ZNF48: variants seen among roughly 807,000 people sequenced by gnomAD.
ZNF48 encodes the protein zinc finger protein 48, also known as zinc finger protein 553.
A neutral mutation model predicts 40.0 loss-of-function variants in ZNF48; 20 were observed. The observed-to-expected ratio is 0.50, with a 90% CI of 0.35 to 0.73. The LOEUF (loss-of-function observed/expected upper bound fraction) is 0.73. Ranked by LOEUF, ZNF48 falls within the 30% of genes least tolerant of loss-of-function variation. The pLI is 0.01. For missense variants in ZNF48, 726 were observed against 851.9 expected, an observed-to-expected ratio of 0.85 and a Z score of 1.84; for synonymous variants, 298 against 329.7, an observed-to-expected ratio of 0.90 and a Z score of 1.04.
upstream of ZNF48, among the ~76,000 whole-genome samples, chr16:30,392,667 G>A (rs2049952069): frequency 6.6e-6 from 1 of 152,198 alleles, no homozygotes; most frequent in Non-Finnish European, 1.5e-5. Flanking sequence ...TTGGGAAACA[G>A]AAGCTTAAGT....
rs1367818777 is a variant in ZNF48 at position 30,382,813 on chromosome 16, T to G, written c.-16+4403T>G. ...TCATCGTGGTGAGACATGGGGTATG[T>G]GCAGAGAGGAAGGAAGTGGCTCCCT... is the stretch of plus-strand genomic sequence containing the variant. On this transcript the variant is annotated intron_variant, in intron 1 of 2. Transcript: ENST00000528032. This position sits in a 1 kb window ranked among gnomAD's most constrained non-coding sequence, Gnocchi z 4.8. 15 of 1,534,034 alleles carry G rather than the reference T, an allele frequency of 9.8e-6. No homozygotes were observed. The highest frequency in any genetic ancestry group is 1.4e-5 in the African/African-American group (1 of 73,114).
At chr16:30,393,932 G>T (rs2049960162), upstream of ZNF48, among the ~76,000 whole-genome samples, 8 of 151,490 alleles carry the variant, frequency 5.3e-5, no homozygotes, top group Admixed American at 5.3e-4. Flanking sequence ...TGCCTAGGCT[G>T]GTTTCGAACT....
chr16:30,381,896 GGA>G lies in ZNF48; in HGVS notation c.-16+3490_-16+3491del, dbSNP rs750865599. ...TGTGTCAAGCGAGCTGTGGGATGGG[GGA>G]GAGGTCAGGGATCCGGGGAGGCTCT... is the stretch of plus-strand genomic sequence containing the variant. On this transcript the variant is annotated intron_variant, in intron 1 of 2. Transcript: ENST00000528032. This position sits in a 1 kb window ranked among gnomAD's most constrained non-coding sequence, Gnocchi z 4.3. The G allele has an allele frequency of 1.2e-6, 2 of 1,613,888 alleles. No individual in the cohort carries two copies. The highest frequency in any genetic ancestry group is 2.7e-5 in the African/African-American group (2 of 74,906).
chr16:30,395,761 T>C lies in ZNF48; in HGVS notation c.-15-19T>C, dbSNP rs1385599734. On this transcript the variant is annotated intron_variant, in intron 1 of 2. Transcript: ENST00000613509. This position sits in a 1 kb window ranked among gnomAD's most constrained non-coding sequence, Gnocchi z 5.9. ...ACATGGCTGCGTGACCGCGGGATGCTGTCTGTCCCCTTGCTCAGGGCGGCG... is the reference window on the plus strand; with the variant it reads ...ACATGGCTGCGTGACCGCGGGATGCCGTCTGTCCCCTTGCTCAGGGCGGCG... The C allele has an allele frequency of 4.0e-6, 6 of 1,494,664 alleles. No homozygotes were observed. The highest frequency in any genetic ancestry group is 5.4e-6 in the Non-Finnish European group (6 of 1,119,940). The allele number at this position is 1,494,664 out of a possible 1,614,324, so 92.6% of individuals were successfully genotyped here. A position where few individuals can be genotyped will look rare whatever the true frequency, so the allele number is the denominator to read the frequency against.
rs2049974483 is a variant in ZNF48, at chr16:30,395,535, C to G, written c.-59C>G. 4.1e-6 allele frequency: 1 copy of G among 241,410 alleles called. No individual in the cohort carries two copies. Among genetic ancestry groups the G allele is most frequent in the Admixed American group, 5.9e-5 (1 of 17,008 alleles). The allele number at this position is 241,410 out of a possible 1,614,324, so 15.0% of individuals were successfully genotyped here. A position where few individuals can be genotyped will look rare whatever the true frequency, so the allele number is the denominator to read the frequency against. Reference sequence around the variant, plus strand: ...CGGGCGCCTGCACCCCGCTGAGGAGCTCCGGAGGGCGCCGGGGTGGCGGAG... The same window carrying G: ...CGGGCGCCTGCACCCCGCTGAGGAGGTCCGGAGGGCGCCGGGGTGGCGGAG... On this transcript the variant is annotated 5_prime_UTR_variant, in exon 1 of 3. Transcript: ENST00000613509. The surrounding 1 kb of genome is among the most constrained non-coding windows in gnomAD (Gnocchi z 5.9).
rs114595573 is a variant in ZNF48, at chr16:30,381,667, T to A, written c.-16+3257T>A. ...GCCCTCTGAAACAGACACCACCTTT[T>A]GAGATAGGGAGCCAGCACAAACCAG... On this transcript the variant is annotated intron_variant, in intron 1 of 2. Coordinates refer to the ZNF48 transcript ENST00000528032. This position sits in a 1 kb window ranked among gnomAD's most constrained non-coding sequence, Gnocchi z 4.3. 2 of 1,548,258 alleles carry A rather than the reference T, an allele frequency of 1.3e-6. No homozygotes were observed. Among genetic ancestry groups the A allele is most frequent in the East Asian group, 4.5e-5 (2 of 44,426 alleles).
chr16:30,378,386 G>T, exon 1 of ZNF48: 1 of 1,498,264 alleles, frequency 6.7e-7, no homozygotes, highest in East Asian at 2.4e-5. Flanking sequence ...GATTGGACAA[G>T]AGGCCGACTG....
rs1287886870 is a variant in ZNF48, at chr16:30,383,314, G to A, written c.-16+4904G>A. Among the ~76,000 whole-genome samples the A allele has an allele frequency of 3.9e-5, 6 of 151,924 alleles. No individual in the cohort carries two copies. The South Asian group carries it at 6.2e-4, about 16-fold the overall frequency. On this transcript the variant is annotated intron_variant, in intron 1 of 2. Coordinates refer to the ZNF48 transcript ENST00000528032. Reference sequence around the variant, plus strand: ...CGCCATTCTCCTGCCTCAGCCTCCCGAGTAGCTGGGACTACAGGCACCTGC... The same window carrying A: ...CGCCATTCTCCTGCCTCAGCCTCCCAAGTAGCTGGGACTACAGGCACCTGC...
At chr16:30,391,140 G>C (rs2049939676), upstream of ZNF48, among the ~76,000 whole-genome samples, 2 of 152,200 alleles carry the variant, frequency 1.3e-5, no homozygotes, top group Non-Finnish European at 2.9e-5. Context: ...TCTGAAGATA[G>C]GTCGTAATCC....
rs2151112151 is a variant in ZNF48, at chr16:30,382,458, G to A, written c.-16+4048G>A. On this transcript the variant is annotated intron_variant, in intron 1 of 2. Transcript: ENST00000528032. The surrounding 1 kb of genome is among the most constrained non-coding windows in gnomAD (Gnocchi z 4.8). ...TTCCTGGGCTAGGAAGAGTCAGTGG[G>A]GTCTGGGGACCCCAGGCATGGGGGC... The A allele has an allele frequency of 6.3e-7, 1 of 1,577,250 alleles. No individual in the cohort carries two copies.
chr16:30,381,564 T>C lies in ZNF48; in HGVS notation c.-16+3154T>C. 6.5e-7 allele frequency: 1 copy of C among 1,541,484 alleles called. No individual in the cohort carries two copies. The highest frequency in any genetic ancestry group is 8.9e-7 in the Non-Finnish European group (1 of 1,123,956). On this transcript the variant is annotated intron_variant, in intron 1 of 2. Transcript: ENST00000528032. The surrounding 1 kb of genome is among the most constrained non-coding windows in gnomAD (Gnocchi z 4.3). The stretch of plus-strand genomic sequence containing the variant: ...AGGACTGTGGGAGTAGAATGTCATT[T>C]CTTTGGCTCCCTCCAAAGACATTAA...
At chr16:30,378,502 T>C (rs2049783763) in intron 1 of ZNF48, 1 of 1,580,114 alleles carries the variant, frequency 6.3e-7, no homozygotes, top group Non-Finnish European at 8.6e-7. Context: ...TTCTCCAGCA[T>C]CTCTTGCATG....
intron 1 of ZNF48, among the ~76,000 whole-genome samples, chr16:30,388,378 C>T (rs1049624576): frequency 6.6e-6 from 1 of 152,128 alleles, no homozygotes; most frequent in African/African-American, 2.4e-5. Flanking sequence ...CCACCATACC[C>T]AGTTAAGCTT....
chr16:30,399,191 T>G lies in ZNF48; in HGVS notation c.*84T>G. 2 of 1,319,068 alleles carry G rather than the reference T, an allele frequency of 1.5e-6. No individual in the cohort carries two copies. Among genetic ancestry groups the G allele is most frequent in the South Asian group, 1.5e-5 (1 of 67,372 alleles). 81.7% of individuals were successfully genotyped at this position (1,319,068 alleles called of 1,614,324 possible). On this transcript the variant is annotated 3_prime_UTR_variant, in exon 3 of 3. Coordinates refer to ENST00000613509, the MANE Select transcript of ZNF48 (RefSeq NM_001214909.2). ...AGAGAAGAAAGGGCCTGGGAGGTGG[T>G]GGGAGGGAGAAGGAAGGGAAGAAAG...
upstream of ZNF48, among the ~76,000 whole-genome samples, chr16:30,391,514 T>A (rs1231489055): frequency 6.6e-6 from 1 of 151,128 alleles, no homozygotes; most frequent in Non-Finnish European, 1.5e-5. Context: ...TTTTTTTTTT[T>A]AAACAGAGTT....
chr16:30,398,548 C>G lies in ZNF48; in HGVS notation c.1298C>G (p.Pro433Arg). 2 of 1,609,564 alleles carry G rather than the reference C, an allele frequency of 1.2e-6. No homozygotes were observed. The highest frequency in any genetic ancestry group is 1.7e-6 in the Non-Finnish European group (2 of 1,178,284). Residue 433 changes from proline to arginine, a missense_variant, in exon 3 of 3, where the codon CCT becomes CGT. Around this residue, in one of 5 missense-constraint regions of ZNF48, gnomAD observed 378 missense variants for 449.1 expected, o/e 0.84. Coordinates refer to ENST00000613509, the MANE Select transcript of ZNF48 (RefSeq NM_001214909.2). The surrounding 1 kb of genome is among the most constrained non-coding windows in gnomAD (Gnocchi z 6.6). ...GGCCTGCCTGGCTTGGAGCCAGAGC[C>G]TGGGGGCCCACAGGCTGGGGAGCCA... ...PFGLPGLEPEPGGPQAGEPPP... is the reference protein window; with the variant it reads ...PFGLPGLEPERGGPQAGEPPP...
rs1413532429 is a variant in ZNF48, at chr16:30,399,214, A to C, written c.*107A>C. 2 of 1,060,976 alleles carry C rather than the reference A, an allele frequency of 1.9e-6. No homozygotes were observed. Among genetic ancestry groups the C allele is most frequent in the African/African-American group, 3.2e-5 (2 of 62,652 alleles). The allele number at this position is 1,060,976 out of a possible 1,614,324, so 65.7% of individuals were successfully genotyped here. ...GGTGGGAGGGAGAAGGAAGGGAAGA[A>C]AGGGGAGGAAGAATAGATAGAAATA... On this transcript the variant is annotated 3_prime_UTR_variant, in exon 3 of 3. Transcript: ENST00000613509.
At position 30,381,006 on chromosome 16, in the gene ZNF48, TCTC is replaced by T. The variant is rs1288920489; in HGVS notation, c.-16+2599_-16+2601del. ...TTACCACCCGCCTTCCTCAGAAGCT[TCTC>T]CTACAATCTAGCCTGATGCACCATG... On this transcript the variant is annotated intron_variant, in intron 1 of 2. Transcript: ENST00000528032. The surrounding 1 kb of genome is among the most constrained non-coding windows in gnomAD (Gnocchi z 4.3). 15 of 834,358 alleles carry T rather than the reference TCTC, an allele frequency of 1.8e-5. No individual in the cohort carries two copies. Among genetic ancestry groups the T allele is most frequent in the African/African-American group, 3.4e-5 (2 of 59,380 alleles). 51.7% of individuals were successfully genotyped at this position (834,358 alleles called of 1,614,324 possible).
intron 1 of ZNF48, among the ~76,000 whole-genome samples, chr16:30,387,615 A>G (rs1475701657): frequency 1.4e-5 from 2 of 146,702 alleles, no homozygotes; most frequent in African/African-American, 5.0e-5. Context: ...CTGGAGTACA[A>G]TGGCGCGATC....
Sources: allele counts gnomAD v4.1 joint callset (sites outside exome capture counted in the v4.1 genomes callset), GRCh38; gene constraint gnomAD v4.1.1; regional missense constraint gnomAD v4.1.1; non-coding constraint Gnocchi (gnomAD v3.1); transcripts MANE v1.5; gene names NCBI Gene and HGNC (gene_info 2026-07-23, HGNC 2026-07-21).